The following VSNL1 variants were observed in gnomAD, a reference collection of about 807,000 sequenced individuals.
The protein encoded by VSNL1 is visinin-like protein 1.
VSNL1 carries 6 observed loss-of-function variants against 20.4 expected under a neutral mutation model. The observed-to-expected ratio is 0.29, with a 90% CI of 0.16 to 0.58. The LOEUF is 0.58. VSNL1 is among the 20% of genes least tolerant of loss of function. VSNL1 has a pLI of 0.90. For synonymous variants in VSNL1, 93 were observed against 86.4 expected, an observed-to-expected ratio of 1.08 and a Z score of -0.42; for missense variants, 100 against 234.5, an observed-to-expected ratio of 0.43 and a Z score of 3.75.
chr2:17,550,218 A>T (rs757181278), intron 1 of VSNL1, among the ~76,000 whole-genome samples: 5 of 152,222 alleles, frequency 3.3e-5, no homozygotes, highest in Non-Finnish European at 7.3e-5. Flanking sequence ...TATTATGGTT[A>T]TATCTGCTAA....
At chr2:17,584,595 G>T (rs1386606890) in intron 1 of VSNL1, among the ~76,000 whole-genome samples, 2 of 152,132 alleles carry the variant, frequency 1.3e-5, no homozygotes, top group Non-Finnish European at 2.9e-5. Context: ...AGGCTCCAGA[G>T]CCACTTCAGG....
chr2:17,542,824 A>G (rs571945262), intron 1 of VSNL1, among the ~76,000 whole-genome samples: 2 of 152,322 alleles, frequency 1.3e-5, no homozygotes, highest in South Asian at 4.1e-4. Context: ...TCATAGGTTG[A>G]CAGAGAGGAT....
intron 1 of VSNL1, among the ~76,000 whole-genome samples, chr2:17,577,357 G>C (rs565209543): frequency 4.4e-4 from 67 of 152,202 alleles, no homozygotes; most frequent in Non-Finnish European, 8.2e-4. Flanking sequence ...ATATGGTATG[G>C]TTCTTACTTT....
At position 17,578,942 on chromosome 2, in the gene VSNL1, C is replaced by T. The variant is rs1187908081; in HGVS notation, c.-5-13128C>T. ...CAGCTTCCAAAACCCTAAGAAGGAA[C>T]ACTTGGTTGTGCTTCTCCTTCTACG... On this transcript the variant is annotated intron_variant, in intron 1 of 3. Transcript: ENST00000295156. Among the ~76,000 whole-genome samples, 6 of 152,190 alleles carry T rather than the reference C, an allele frequency of 3.9e-5. No individual in the cohort carries two copies. In the East Asian group the frequency reaches 1.2e-3, roughly 29 times the overall value.
intron 2 of VSNL1, among the ~76,000 whole-genome samples, chr2:17,625,059 TGTG>T (rs908199946): frequency 5.9e-5 from 9 of 152,174 alleles, no homozygotes; most frequent in Admixed American, 2.0e-4. Context: ...ATACTGTTCT[TGTG>T]GTGGTGAATA....
At chr2:17,654,521 C>G (rs1310738897) in intron 3 of VSNL1, among the ~76,000 whole-genome samples, 2 of 152,098 alleles carry the variant, frequency 1.3e-5, no homozygotes, top group South Asian at 4.2e-4. Flanking sequence ...TAAAACTGAG[C>G]CCATCATGTT....
chr2:17,641,597 T>C (rs1665883818), intron 2 of VSNL1, among the ~76,000 whole-genome samples: 1 of 152,222 alleles, frequency 6.6e-6, no homozygotes, highest in African/African-American at 2.4e-5. Context: ...AAATGGTGTA[T>C]TAGACAGAAA....
At chr2:17,598,526 C>T (rs546007954) in intron 2 of VSNL1, among the ~76,000 whole-genome samples, 2 of 152,310 alleles carry the variant, frequency 1.3e-5, no homozygotes, top group East Asian at 3.9e-4. Flanking sequence ...CTTAGTAAGA[C>T]CTGCCAGGTG....
At chr2:17,576,398 C>T (rs1664215831) in intron 1 of VSNL1, among the ~76,000 whole-genome samples, 1 of 152,074 alleles carries the variant, frequency 6.6e-6, no homozygotes, top group African/African-American at 2.4e-5. Flanking sequence ...ACTTTTTCCT[C>T]TTGGGTTATT....
At chr2:17,631,648 CAG>C (rs1665632344) in intron 2 of VSNL1, among the ~76,000 whole-genome samples, 1 of 152,142 alleles carries the variant, frequency 6.6e-6, no homozygotes, top group South Asian at 2.1e-4. Flanking sequence ...AAACCATTGT[CAG>C]AGTCTCTAGA....
intron 1 of VSNL1, among the ~76,000 whole-genome samples, chr2:17,580,563 G>A (rs1664328297): frequency 6.6e-6 from 1 of 152,194 alleles, no homozygotes; most frequent in African/African-American, 2.4e-5. Context: ...GTTTTCCCGT[G>A]TGACTTTTGC....
chr2:17,602,743 A>C (rs1346579398), intron 2 of VSNL1, among the ~76,000 whole-genome samples: 1 of 150,196 alleles, frequency 6.7e-6, no homozygotes, highest in Non-Finnish European at 1.5e-5. Context: ...CCATCTCAAA[A>C]ACATAAATAT....
In VSNL1 at chr2:17,617,891, A is replaced by ACATGCACGCG. The variant is rs764482506; in HGVS notation, c.162+25657_162+25658insTGCACGCGCA. Among the ~76,000 whole-genome samples, 875 of 98,694 alleles carry ACATGCACGCG rather than the reference A, an allele frequency of 8.9e-3. 4 individuals are homozygous for ACATGCACGCG. Among genetic ancestry groups the ACATGCACGCG allele is most frequent in the Middle Eastern group, 0.023 (2 of 88 alleles). 64.7% of individuals were successfully genotyped at this position (98,694 alleles called of 152,430 possible). ...TACATGCACATGCACATGCACGCGC[A>ACATGCACGCG]CACACACACACACACACACCCCACC... On this transcript the variant is annotated intron_variant, in intron 2 of 3. Transcript: ENST00000295156.
intron 3 of VSNL1, among the ~76,000 whole-genome samples, chr2:17,651,598 G>GC (rs1317408734): frequency 6.6e-6 from 1 of 152,206 alleles, no homozygotes; most frequent in Non-Finnish European, 1.5e-5. Context: ...TGTGACATTG[G>GC]TTATGTTTGG....
chr2:17,600,701 C>T (rs754264543), intron 2 of VSNL1, among the ~76,000 whole-genome samples: 5 of 152,166 alleles, frequency 3.3e-5, no homozygotes, highest in Non-Finnish European at 7.4e-5. Context: ...ATAGACATTA[C>T]ATGAAATACA....
intron 2 of VSNL1, among the ~76,000 whole-genome samples, chr2:17,628,631 C>T (rs1355077729): frequency 5.3e-5 from 8 of 152,234 alleles, no homozygotes; most frequent in Non-Finnish European, 8.8e-5. Context: ...GAATACCTCC[C>T]TCTAAATGGT....
intron 1 of VSNL1, chr2:17,567,507 C>T (rs1663979814): frequency 6.6e-6 from 1 of 151,852 alleles, no homozygotes; most frequent in Non-Finnish European, 1.5e-5. Flanking sequence ...TACAGGCGGC[C>T]GCCACTACGC....
intron 2 of VSNL1, among the ~76,000 whole-genome samples, chr2:17,624,695 G>C (rs564877887): frequency 7.6e-4 from 115 of 152,220 alleles, no homozygotes; most frequent in African/African-American, 2.6e-3. Flanking sequence ...AGAAGGAGAG[G>C]GGGTGGAATC....
In VSNL1 at chr2:17,569,330, A is replaced by G. The variant is rs992592977; in HGVS notation, c.-5-22740A>G. Among the ~76,000 whole-genome samples the G allele has an allele frequency of 6.6e-5, 10 of 151,478 alleles. No individual in the cohort carries two copies. The South Asian group carries it at 2.1e-3, about 31-fold the overall frequency. On this transcript the variant is annotated intron_variant, in intron 1 of 3. Coordinates refer to ENST00000295156, the MANE Select transcript of VSNL1 (RefSeq NM_003385.5). ...TCAAAAAAAAAATAAAAATAAAAAT[A>G]AATAAATTAAATAAAATAAATTAAA...
Sources: allele counts gnomAD v4.1 joint callset (sites outside exome capture counted in the v4.1 genomes callset), GRCh38; gene constraint gnomAD v4.1.1; transcripts MANE v1.5; gene names NCBI Gene and HGNC (gene_info 2026-07-23, HGNC 2026-07-21).